The following MED13L variants were observed in gnomAD, a reference collection of about 807,000 sequenced individuals.
The protein encoded by MED13L is mediator of RNA polymerase II transcription subunit 13-like.
Under a neutral mutation model 220.9 loss-of-function variants are expected in MED13L, and 7 were observed. That is an observed-to-expected ratio of 0.03 (90% confidence interval 0.02 to 0.06). MED13L has a LOEUF of 0.06. MED13L is among the 10% of genes least tolerant of loss of function. The probability of loss-of-function intolerance (pLI) is 1.00; values close to 1 mark genes in which losing one functional copy is unlikely to be tolerated. For synonymous variants in MED13L, 1,011 were observed against 1,015.2 expected (o/e 1.00, Z 0.08); for missense variants, 1,965 against 2,760.5 (o/e 0.71, Z 6.46).
chr12:115,984,281 T>C lies in MED13L; in HGVS notation c.4430A>G (p.Asp1477Gly). 2 of 1,614,090 alleles carry C rather than the reference T, an allele frequency of 1.2e-6. No homozygotes were observed. Among genetic ancestry groups the C allele is most frequent in the Non-Finnish European group, 1.7e-6 (2 of 1,179,992 alleles). ...GTTAAACCACTCACTCACAAGCTCATCTGTCAGCTTCTGTGCCACAGTTTT... is the reference window on the plus strand; with the variant it reads ...GTTAAACCACTCACTCACAAGCTCACCTGTCAGCTTCTGTGCCACAGTTTT... ...VGKTVAQKLT[D>G]ELVSEWFNQP... Residue 1477 changes from aspartate (D) to glycine (G), a missense_variant, in exon 20 of 31, where the codon GAT (aspartate) becomes GGT (glycine). Around this residue, in one of 10 missense-constraint regions of MED13L, gnomAD observed 510 missense variants for 620.4 expected, o/e 0.82. Coordinates refer to ENST00000281928, the MANE Select transcript of MED13L (RefSeq NM_015335.5).
chr12:115,988,290 T>G (rs12302542), intron 17 of MED13L, among the ~76,000 whole-genome samples: 7,926 of 152,234 alleles, frequency 0.052, 323 homozygotes, highest in African/African-American at 0.11. Flanking sequence ...TTTGTTAAAC[T>G]TTGGAACAAA....
intron 26 of MED13L, among the ~76,000 whole-genome samples, chr12:115,971,577 A>G (rs1474694081): frequency 6.6e-6 from 1 of 152,214 alleles, no homozygotes. Context: ...AATGACACCT[A>G]CATCTATTGA....
chr12:115,994,355 T>G lies in MED13L; in HGVS notation c.2996+2121A>C, dbSNP rs560892136. On this transcript the variant is annotated intron_variant, in intron 16 of 30. Transcript: ENST00000281928. ...GTCCCAGCTACTCAGGAGGCTGATG[T>G]GGGAGGATCACTTGAGCCCAGGAGG... Among the ~76,000 whole-genome samples the G allele has an allele frequency of 2.0e-5, 3 of 152,204 alleles. No individual in the cohort carries two copies. In the South Asian group the frequency reaches 6.2e-4, roughly 32 times the overall value.
At chr12:116,111,550 TA>T in intron 2 of MED13L, 38 bp from the exon 3 acceptor site, 1 of 1,474,622 alleles carries the variant, frequency 6.8e-7, no homozygotes, top group Non-Finnish European at 9.3e-7. Flanking sequence ...AAAGAACCAG[TA>T]AAAAGGACAT....
intron 4 of MED13L, among the ~76,000 whole-genome samples, chr12:116,056,746 T>G (rs1447295730): frequency 6.6e-6 from 1 of 152,196 alleles, no homozygotes; most frequent in Admixed American, 6.5e-5. Context: ...AGAAATTAAT[T>G]TTTATCTACT....
At chr12:116,152,091 G>A (rs184341262) in intron 2 of MED13L, among the ~76,000 whole-genome samples, 166 of 152,104 alleles carry the variant, frequency 1.1e-3, no homozygotes, top group Admixed American at 3.5e-3. Context: ...TATCCTACAT[G>A]GAAATATATT....
At chr12:116,026,567 C>T (rs1286641898) in intron 4 of MED13L, among the ~76,000 whole-genome samples, 3 of 152,098 alleles carry the variant, frequency 2.0e-5, no homozygotes, top group Non-Finnish European at 2.9e-5. Flanking sequence ...GGGTGGGCCC[C>T]ATAAATCTGC....
intron 2 of MED13L, among the ~76,000 whole-genome samples, chr12:116,161,126 A>G (rs531204185): frequency 6.6e-6 from 1 of 151,960 alleles, no homozygotes; most frequent in African/African-American, 2.4e-5. Flanking sequence ...TAACTAACCC[A>G]CTCCCAAATA....
At chr12:116,082,400 G>C (rs1448551139) in intron 4 of MED13L, among the ~76,000 whole-genome samples, 1 of 152,146 alleles carries the variant, frequency 6.6e-6, no homozygotes, top group East Asian at 1.9e-4. Flanking sequence ...AAAATATATA[G>C]AAGTGTTGGT....
chr12:116,058,858 T>G (rs1869193756), intron 4 of MED13L, among the ~76,000 whole-genome samples: 1 of 152,188 alleles, frequency 6.6e-6, no homozygotes, highest in African/African-American at 2.4e-5. Context: ...CATGCCTTTT[T>G]GCAGACTGAC....
intron 2 of MED13L, among the ~76,000 whole-genome samples, chr12:116,178,659 C>T (rs1018444058): frequency 7.9e-5 from 12 of 152,194 alleles, no homozygotes; most frequent in Non-Finnish European, 7.3e-5. Flanking sequence ...TTGTCTTCAC[C>T]TCACAGTAAA....
chr12:116,244,463 G>A (rs1304385130), intron 1 of MED13L, among the ~76,000 whole-genome samples: 1 of 152,118 alleles, frequency 6.6e-6, no homozygotes, highest in Admixed American at 6.5e-5. Context: ...TCAAAATTTT[G>A]AAGGCTAAGA....
intron 2 of MED13L, among the ~76,000 whole-genome samples, chr12:116,216,097 C>T (rs144495023): frequency 1.3e-5 from 2 of 152,206 alleles, no homozygotes; most frequent in East Asian, 1.9e-4. Flanking sequence ...TTGTCCACTG[C>T]GTCTCTGCTC....
At chr12:116,055,292 A>G (rs911470251) in intron 4 of MED13L, among the ~76,000 whole-genome samples, 1 of 152,236 alleles carries the variant, frequency 6.6e-6, no homozygotes, top group Non-Finnish European at 1.5e-5. Flanking sequence ...ATGTACAAAC[A>G]TCTTAATTGT....
chr12:116,264,378 T>C (rs937285134), intron 1 of MED13L, among the ~76,000 whole-genome samples: 6 of 152,208 alleles, frequency 3.9e-5, no homozygotes, highest in Non-Finnish European at 7.3e-5. Context: ...ACTTGTGAAA[T>C]TGTAACTTTA....
At chr12:116,039,327 T>C (rs959753722) in intron 4 of MED13L, among the ~76,000 whole-genome samples, 2 of 152,182 alleles carry the variant, frequency 1.3e-5, no homozygotes, top group Non-Finnish European at 2.9e-5. Context: ...AATGTCTTAC[T>C]CACTAGTACT....
At chr12:116,066,517 A>G (rs1311290433) in intron 4 of MED13L, among the ~76,000 whole-genome samples, 1 of 152,156 alleles carries the variant, frequency 6.6e-6, no homozygotes, top group Non-Finnish European at 1.5e-5. Context: ...TTATTGTGCT[A>G]CTTTAAGGTA....
intron 1 of MED13L, among the ~76,000 whole-genome samples, chr12:116,256,438 G>A (rs895594863): frequency 6.6e-6 from 1 of 152,102 alleles, no homozygotes; most frequent in Admixed American, 6.6e-5. Flanking sequence ...GGGGAGGAAG[G>A]CTGAGGGGCA....
chr12:116,103,787 T>TA (rs890170733), intron 3 of MED13L, among the ~76,000 whole-genome samples: 3 of 152,160 alleles, frequency 2.0e-5, no homozygotes, highest in African/African-American at 7.2e-5. Context: ...GTCTAAAGAC[T>TA]CATTCTCCTA....
Sources: gnomAD v4.1 joint callset for allele counts (sites outside exome capture counted in the v4.1 genomes callset) on GRCh38, gnomAD v4.1.1 for gene constraint, gnomAD v4.1.1 regional missense constraint, MANE v1.5 for transcripts, NCBI Gene and HGNC (gene_info 2026-07-23, HGNC 2026-07-21) for gene names.